The following MYBPC1 variants were observed in gnomAD, a reference collection of about 807,000 sequenced individuals.
The protein encoded by MYBPC1 is myosin-binding protein C, slow-type.
In MYBPC1, 52 loss-of-function variants were observed where a neutral mutation model predicts 147.1. That is an observed-to-expected ratio of 0.35 (90% confidence interval 0.28 to 0.45). MYBPC1 has a LOEUF of 0.45. Among genes scored for constraint, MYBPC1 ranks in the 20% least tolerant of loss-of-function variants. The pLI is 1.00. For missense variants in MYBPC1, 1,228 were observed against 1,440.3 expected (o/e 0.85, Z 2.39); for synonymous variants, 477 against 475.9 (o/e 1.00, Z -0.03).
chr12:101,655,511 TGCC>T (rs1895397226), intron 18 of MYBPC1, among the ~76,000 whole-genome samples: 1 of 152,192 alleles, frequency 6.6e-6, no homozygotes, highest in Non-Finnish European at 1.5e-5. Flanking sequence ...GCTTAGAAGT[TGCC>T]ACTCTATCCT....
At chr12:101,598,283 G>A (rs1335356383) in intron 1 of MYBPC1, among the ~76,000 whole-genome samples, 1 of 152,094 alleles carries the variant, frequency 6.6e-6, no homozygotes, top group Non-Finnish European at 1.5e-5. Context: ...GCCTCCCAGA[G>A]TGCTGGGATT....
chr12:101,661,846 A>G (rs1414129533), intron 20 of MYBPC1, among the ~76,000 whole-genome samples: 1 of 150,574 alleles, frequency 6.6e-6, no homozygotes, highest in Non-Finnish European at 1.5e-5. Flanking sequence ...GCAGTGAGCC[A>G]AGATCACACC....
At chr12:101,685,043 TTATTA>T (rs1951270839) in intron 31 of MYBPC1, among the ~76,000 whole-genome samples, 1 of 152,182 alleles carries the variant, frequency 6.6e-6, no homozygotes, top group Admixed American at 6.5e-5. Context: ...ACCGGTCTTA[TTATTA>T]TAATTTTAAC....
intron 1 of MYBPC1, 28 bp downstream of exon 1, chr12:101,595,123 T>C: frequency 6.3e-7 from 1 of 1,588,304 alleles, no homozygotes; most frequent in Non-Finnish European, 8.6e-7. Context: ...ATCTTTTTGT[T>C]GTACTCCTGA....
downstream of MYBPC1, among the ~76,000 whole-genome samples, chr12:101,686,409 A>T (rs1320364343): frequency 6.6e-6 from 1 of 152,216 alleles, no homozygotes; most frequent in East Asian, 1.9e-4. Flanking sequence ...AGCTAGTCAT[A>T]GTGACAGAGG....
chr12:101,692,284 A>AT, the MYBPC1 span, among the ~76,000 whole-genome samples: 1 of 152,162 alleles, frequency 6.6e-6, no homozygotes, highest in South Asian at 2.1e-4. Context: ...TAGTACAATA[A>AT]TTTTTTTCAT....
rs1889912183 is a variant in MYBPC1, at chr12:101,631,606, G to A, written c.325G>A (p.Glu109Lys). The part of the protein sequence containing the change: ...DITFIAKVKA[E>K]DLLRKPTIKW... ...CACCTTCATAGCCAAAGTCAAGGCT[G>A]AAGATCTTCTGAGAAAACCCACTAT... is the stretch of plus-strand genomic sequence containing the variant. Residue 109 changes from glutamate to lysine, a missense_variant, in exon 7 of 32, where the codon GAA (glutamate) becomes AAA (lysine). Physicochemically the swap from Glu to Lys is moderately conservative, Grantham distance 56. Coordinates refer to ENST00000361466, the MANE Select transcript of MYBPC1 (RefSeq NM_002465.4). 9 of 1,614,180 alleles carry A rather than the reference G, an allele frequency of 5.6e-6. No homozygotes were observed. Among genetic ancestry groups the A allele is most frequent in the Non-Finnish European group, 6.8e-6 (8 of 1,180,012 alleles).
At chr12:101,616,024 G>A (rs551583848) in intron 2 of MYBPC1, among the ~76,000 whole-genome samples, 1 of 152,134 alleles carries the variant, frequency 6.6e-6, no homozygotes, top group Admixed American at 6.5e-5. Context: ...TTTCAGGAGG[G>A]CAGTTTGAGA....
chr12:101,610,732 T>C (rs1017569888), intron 1 of MYBPC1, among the ~76,000 whole-genome samples: 2 of 152,196 alleles, frequency 1.3e-5, no homozygotes, highest in Non-Finnish European at 2.9e-5. Context: ...TATGAGGTTA[T>C]GTGGTCTTGA....
the MYBPC1 span, among the ~76,000 whole-genome samples, chr12:101,695,342 G>C: frequency 6.6e-6 from 1 of 152,242 alleles, no homozygotes; most frequent in African/African-American, 2.4e-5. Flanking sequence ...ACTGGACAAA[G>C]AGATGATGTA....
Position 101,659,701 on chromosome 12 carries a change from A to G in MYBPC1, c.1797A>G (p.Arg599=). 6 of 1,614,152 alleles carry G rather than the reference A, an allele frequency of 3.7e-6. No individual in the cohort carries two copies. Among genetic ancestry groups the G allele is most frequent in the Non-Finnish European group, 5.1e-6 (6 of 1,179,996 alleles). The change falls in exon 19 of 32, where the codon AGA becomes AGG. Residue 599 remains arginine, a synonymous_variant. Transcript: ENST00000361466. ...TTATGGAAGGCAGTGGCCGGATAAG[A>G]ACAGAATCTTACCCTGATAGCAGCA... is the stretch of plus-strand genomic sequence containing the variant. ...KAIMEGSGRI[R]TESYPDSSTL...
At chr12:101,635,808 ATAAC>A (rs1262696952) in intron 9 of MYBPC1, among the ~76,000 whole-genome samples, 1 of 152,224 alleles carries the variant, frequency 6.6e-6, no homozygotes, top group African/African-American at 2.4e-5. Flanking sequence ...CTTAGAAACC[ATAAC>A]TAACATTTGT....
At chr12:101,596,922 G>A (rs1593549329) in intron 1 of MYBPC1, among the ~76,000 whole-genome samples, 1 of 152,166 alleles carries the variant, frequency 6.6e-6, no homozygotes, top group East Asian at 1.9e-4. Context: ...TTTGGTTAGT[G>A]TAAATTTGGA....
At chr12:101,633,610 C>T (rs144288226) in intron 8 of MYBPC1, among the ~76,000 whole-genome samples, 6,794 of 151,164 alleles carry the variant, frequency 0.045, 208 homozygotes, top group South Asian at 0.14. Flanking sequence ...TCGCTTGAAC[C>T]GGGGAGGCGG....
At chr12:101,636,862 T>C in intron 10 of MYBPC1, 134 bp downstream of exon 10, 3 of 738,778 alleles carry the variant, frequency 4.1e-6, no homozygotes, top group Non-Finnish European at 7.1e-6. Context: ...TTATAGAATA[T>C]AACAGAGTTG....
chr12:101,653,308 C>A, intron 18 of MYBPC1, 60 bp downstream of exon 18: 1 of 1,592,796 alleles, frequency 6.3e-7, no homozygotes, highest in South Asian at 1.1e-5. Context: ...ACACTGCCTA[C>A]CCCACCCCTT....
At chr12:101,674,862 C>CAAAAAAA (rs62824364) in intron 25 of MYBPC1, among the ~76,000 whole-genome samples, 10 of 59,840 alleles carry the variant, frequency 1.7e-4, no homozygotes, top group African/African-American at 8.2e-4. Flanking sequence ...ACTCTGTCTC[C>CAAAAAAA]AAAAAAAAAA....
At chr12:101,644,889 T>C in intron 12 of MYBPC1, 93 bp downstream of exon 12, 3 of 1,235,316 alleles carry the variant, frequency 2.4e-6, no homozygotes, top group Non-Finnish European at 3.5e-6. Flanking sequence ...AGGATATTTA[T>C]ATTTTCATAA....
At chr12:101,631,994 T>C (rs1229546234) in intron 7 of MYBPC1, 27 bp from the exon 8 acceptor site, 10 of 1,529,868 alleles carry the variant, frequency 6.5e-6, no homozygotes, top group Non-Finnish European at 9.1e-6. Context: ...AACTGAAATG[T>C]GTGTGTCTGG....
Sources: allele counts gnomAD v4.1 joint callset (sites outside exome capture counted in the v4.1 genomes callset), GRCh38; gene constraint gnomAD v4.1.1; transcripts MANE v1.5; gene names NCBI Gene and HGNC (gene_info 2026-07-23, HGNC 2026-07-21).